The following DPF3 variants were observed in gnomAD, a reference collection of about 807,000 sequenced individuals.
DPF3 encodes double PHD fingers 3.
In DPF3, 18 loss-of-function variants were observed where a neutral mutation model predicts 56.8. That is an observed-to-expected ratio of 0.32 (90% CI 0.22 to 0.47). DPF3 has a LOEUF of 0.47. Ranked by LOEUF, DPF3 falls within the 20% of genes least tolerant of loss-of-function variation. The pLI is 1.00. For synonymous variants in DPF3, 188 were observed against 180.2 expected, an observed-to-expected ratio of 1.04 and a Z score of -0.35; for missense variants, 403 against 488.8, an observed-to-expected ratio of 0.82 and a Z score of 1.65.
chr14:72,698,407 G>A (rs1239259344), intron 6 of DPF3, among the ~76,000 whole-genome samples: 1 of 152,246 alleles, frequency 6.6e-6, no homozygotes, highest in Non-Finnish European at 1.5e-5. Flanking sequence ...GGCTGGGCAT[G>A]GTGGCTTACA....
At chr14:72,639,858 T>A (rs1885491554) in intron 8 of DPF3, among the ~76,000 whole-genome samples, 1 of 151,982 alleles carries the variant, frequency 6.6e-6, no homozygotes, top group African/African-American at 2.4e-5. Flanking sequence ...CACAGATAAC[T>A]ATTATATATA....
At chr14:72,623,159 T>A (rs1884569514) in intron 9 of DPF3, among the ~76,000 whole-genome samples, 1 of 152,208 alleles carries the variant, frequency 6.6e-6, no homozygotes, top group Non-Finnish European at 1.5e-5. Context: ...AAATCATATT[T>A]TTTAGTGGTT....
At chr14:72,728,958 A>G (rs1405297254) in intron 4 of DPF3, among the ~76,000 whole-genome samples, 1 of 152,052 alleles carries the variant, frequency 6.6e-6, no homozygotes, top group African/African-American at 2.4e-5. Flanking sequence ...TCTTTGAGAG[A>G]AGAGGAAGGC....
At chr14:72,627,648 A>G (rs1230549150) in intron 9 of DPF3, among the ~76,000 whole-genome samples, 2 of 152,056 alleles carry the variant, frequency 1.3e-5, no homozygotes, top group African/African-American at 4.8e-5. Context: ...TTGTTTCTTC[A>G]TATGAACTTA....
intron 8 of DPF3, among the ~76,000 whole-genome samples, chr14:72,642,317 G>A (rs562522610): frequency 1.2e-3 from 176 of 152,330 alleles, no homozygotes; most frequent in Admixed American, 4.2e-3. Context: ...AATGGCAAAG[G>A]AGGAACAGTA....
chr14:72,650,008 C>T (rs1885857972), intron 8 of DPF3, among the ~76,000 whole-genome samples: 1 of 152,202 alleles, frequency 6.6e-6, no homozygotes. Context: ...CTCCAGAGAG[C>T]ACTGGGCTCT....
intron 1 of DPF3, among the ~76,000 whole-genome samples, chr14:72,827,757 GGT>G (rs921819593): frequency 3.2e-4 from 48 of 151,948 alleles, no homozygotes; most frequent in Non-Finnish European, 1.6e-4. Context: ...TGGGATTACA[GGT>G]GTGAGCCACT....
At chr14:72,858,079 C>T (rs1218837761) in intron 1 of DPF3, among the ~76,000 whole-genome samples, 3 of 151,810 alleles carry the variant, frequency 2.0e-5, no homozygotes, top group Admixed American at 6.6e-5. Flanking sequence ...CTCAGGCAGG[C>T]GGATTACTTG....
At chr14:72,768,924 TGTGA>T (rs1010308802) in intron 2 of DPF3, among the ~76,000 whole-genome samples, 13 of 124,890 alleles carry the variant, frequency 1.0e-4, no homozygotes, top group East Asian at 2.3e-4. Context: ...TGATACTGTG[TGTGA>T]GTGTCTGTGT....
At chr14:72,855,118 C>T (rs1006906271) in intron 1 of DPF3, among the ~76,000 whole-genome samples, 4 of 152,210 alleles carry the variant, frequency 2.6e-5, no homozygotes, top group African/African-American at 9.7e-5. Context: ...AGAGACCAAA[C>T]TGAGAGGCCT....
chr14:72,800,194 T>C (rs904116686), intron 1 of DPF3, among the ~76,000 whole-genome samples: 5 of 152,216 alleles, frequency 3.3e-5, no homozygotes, highest in Non-Finnish European at 7.3e-5. Context: ...TCACTGTGGC[T>C]GTCAGATGCC....
chr14:72,771,614 T>C, intron 2 of DPF3, 119 bp downstream of exon 2: 1 of 1,269,354 alleles, frequency 7.9e-7, no homozygotes, highest in Non-Finnish European at 1.1e-6. Flanking sequence ...GAGGCCCATG[T>C]GCAGCTTGCC....
In DPF3 at chr14:72,624,922, G is replaced by A. The variant is rs1210503335; in HGVS notation, c.984+4702C>T. Among the ~76,000 whole-genome samples the A allele has an allele frequency of 2.0e-5, 3 of 152,168 alleles. No homozygotes were observed. In the East Asian group the frequency reaches 5.8e-4, roughly 29 times the overall value. Reference sequence around the variant, plus strand: ...GCGCATCATATCGGGGGAAATTGAGGCCAGTACGTCTTATTACTTGTAATG... The same window carrying A: ...GCGCATCATATCGGGGGAAATTGAGACCAGTACGTCTTATTACTTGTAATG... On this transcript the variant is annotated intron_variant, in intron 9 of 10. Transcript: ENST00000556509.
intron 1 of DPF3, among the ~76,000 whole-genome samples, chr14:72,792,556 C>A (rs1892482678): frequency 6.6e-6 from 1 of 152,216 alleles, no homozygotes; most frequent in Non-Finnish European, 1.5e-5. Flanking sequence ...ATAGTCCACA[C>A]CATGGACTCC....
At chr14:72,891,662 C>G (rs1480876577) in intron 1 of DPF3, among the ~76,000 whole-genome samples, 1 of 151,856 alleles carries the variant, frequency 6.6e-6, no homozygotes, top group East Asian at 1.9e-4. Flanking sequence ...GTGTGTGCTC[C>G]TGCGTTAGGA....
intron 1 of DPF3, chr14:72,892,028 C>G (rs1211871275): frequency 9.3e-7 from 1 of 1,073,768 alleles, no homozygotes; most frequent in Non-Finnish European, 1.2e-6. Context: ...ACGCACCCTA[C>G]TGTGATCCAA....
intron 7 of DPF3, 87 bp downstream of exon 7, chr14:72,692,989 C>T: frequency 6.4e-7 from 1 of 1,571,042 alleles, no homozygotes; most frequent in Admixed American, 1.8e-5. Flanking sequence ...CCAGAAGATG[C>T]CAGCAGTGAG....
At chr14:72,858,273 ACTC>A (rs1885247200) in intron 1 of DPF3, among the ~76,000 whole-genome samples, 2 of 145,252 alleles carry the variant, frequency 1.4e-5, no homozygotes, top group Admixed American at 7.2e-5. Flanking sequence ...ACACCACTGC[ACTC>A]CAGCCTGGGT....
chr14:72,847,414 C>T (rs779102753), intron 1 of DPF3, among the ~76,000 whole-genome samples: 21 of 152,216 alleles, frequency 1.4e-4, no homozygotes, highest in Non-Finnish European at 2.2e-4. Flanking sequence ...ATTTACCTCA[C>T]TATATTATAA....
Sources: gnomAD v4.1 joint callset for allele counts (sites outside exome capture counted in the v4.1 genomes callset) on GRCh38, gnomAD v4.1.1 for gene constraint, MANE v1.5 for transcripts, NCBI Gene and HGNC (gene_info 2026-07-23, HGNC 2026-07-21) for gene names.